GFOD2: variants seen among roughly 807,000 people sequenced by gnomAD.
GFOD2 encodes the protein Gfo/Idh/MocA-like oxidoreductase domain containing 2.
Under a neutral mutation model 24.6 loss-of-function variants are expected in GFOD2, and 9 were observed. The observed-to-expected ratio is 0.37, with a 90% CI of 0.22 to 0.64. The LOEUF (loss-of-function observed/expected upper bound fraction) is 0.64. Ranked by LOEUF, GFOD2 falls within the 30% of genes least tolerant of loss-of-function variation. GFOD2 has a pLI of 0.65. For missense variants in GFOD2, 476 were observed against 532.5 expected, an observed-to-expected ratio of 0.89 and a Z score of 1.04; for synonymous variants, 211 against 224.8, an observed-to-expected ratio of 0.94 and a Z score of 0.55.
intron 2 of GFOD2, chr16:67,683,375 C>A: frequency 8.1e-7 from 1 of 1,227,670 alleles, no homozygotes. Flanking sequence ...CCGGACACAC[C>A]TCACCTTTCC....
intron 1 of GFOD2, among the ~76,000 whole-genome samples, chr16:67,710,899 T>C (rs1353887808): frequency 6.6e-6 from 1 of 152,020 alleles, no homozygotes; most frequent in East Asian, 1.9e-4. Flanking sequence ...GAGGTACCTA[T>C]ACCTGCCGCC....
At chr16:67,707,839 C>T (rs566611201) in intron 1 of GFOD2, among the ~76,000 whole-genome samples, 3 of 152,282 alleles carry the variant, frequency 2.0e-5, no homozygotes, top group Admixed American at 2.0e-4. Context: ...TGAACCACCT[C>T]GCCTAGCCTG....
chr16:67,704,614 A>G (rs543046504), intron 1 of GFOD2, among the ~76,000 whole-genome samples: 185 of 152,360 alleles, frequency 1.2e-3, no homozygotes, highest in Non-Finnish European at 2.1e-3. Context: ...CCTCAAGGTT[A>G]CTAATAATCC....
intron 1 of GFOD2, among the ~76,000 whole-genome samples, chr16:67,707,688 A>C (rs1220653986): frequency 6.6e-6 from 1 of 152,174 alleles, no homozygotes; most frequent in Non-Finnish European, 1.5e-5. Flanking sequence ...GGAATTAACT[A>C]TTAATGAATT....
At chr16:67,694,383 G>A (rs957318410) in intron 1 of GFOD2, among the ~76,000 whole-genome samples, 4 of 152,072 alleles carry the variant, frequency 2.6e-5, no homozygotes, top group Admixed American at 2.6e-4. Flanking sequence ...GGCCTCAAGC[G>A]ATTCTCTCAG....
chr16:67,709,231 C>T (rs2053457343), intron 1 of GFOD2, among the ~76,000 whole-genome samples: 1 of 151,720 alleles, frequency 6.6e-6, no homozygotes, highest in African/African-American at 2.4e-5. Context: ...TCTCTTGAGC[C>T]CAGTAGGTCA....
At chr16:67,712,586 G>A (rs1208550341) in intron 1 of GFOD2, among the ~76,000 whole-genome samples, 3 of 74,494 alleles carry the variant, frequency 4.0e-5, no homozygotes, top group African/African-American at 1.5e-4. Flanking sequence ...CGTTCACTCA[G>A]TGCTCAATGG....
intron 2 of GFOD2, chr16:67,680,587 T>C: frequency 3.6e-6 from 1 of 278,006 alleles, no homozygotes; most frequent in Non-Finnish European, 5.4e-6. Flanking sequence ...CCCCCACCTC[T>C]GCCACCTTGA....
intron 2 of GFOD2, among the ~76,000 whole-genome samples, chr16:67,679,042 C>T (rs2053204317): frequency 1.3e-5 from 2 of 152,222 alleles, no homozygotes; most frequent in South Asian, 4.1e-4. Flanking sequence ...TGGCGTGTAC[C>T]TGTAGCCCCA....
intron 1 of GFOD2, among the ~76,000 whole-genome samples, chr16:67,713,100 T>C (rs974883108): frequency 2.7e-5 from 4 of 150,192 alleles, no homozygotes; most frequent in Non-Finnish European, 4.4e-5. Flanking sequence ...GTCAGGCTGG[T>C]CTTGAACTCC....
At chr16:67,681,098 A>G in intron 2 of GFOD2, 1 of 985,468 alleles carries the variant, frequency 1.0e-6, no homozygotes, top group Non-Finnish European at 1.2e-6. Flanking sequence ...AGACAATCAC[A>G]GTTCTGGGGG....
chr16:67,704,585 T>C (rs2053427010), intron 1 of GFOD2, among the ~76,000 whole-genome samples: 1 of 152,194 alleles, frequency 6.6e-6, no homozygotes, highest in African/African-American at 2.4e-5. Flanking sequence ...AAATAAATGA[T>C]ATTTATATTT....
intron 1 of GFOD2, among the ~76,000 whole-genome samples, chr16:67,698,524 G>C (rs1031692581): frequency 3.3e-5 from 5 of 152,054 alleles, no homozygotes; most frequent in Non-Finnish European, 5.9e-5. Context: ...CTGTCACCCA[G>C]GCTGGAGTGC....
intron 1 of GFOD2, among the ~76,000 whole-genome samples, chr16:67,704,455 G>A (rs980986449): frequency 5.9e-5 from 9 of 152,162 alleles, no homozygotes; most frequent in South Asian, 2.1e-4. Context: ...GGCTGCCATC[G>A]TTTTTTGGAT....
At chr16:67,683,554 T>TC (rs1395911466) in intron 2 of GFOD2, 1 of 1,231,562 alleles carries the variant, frequency 8.1e-7, no homozygotes, top group African/African-American at 1.6e-5. Context: ...AATGAATAAC[T>TC]CCAATGTCAC....
intron 2 of GFOD2, chr16:67,683,130 T>C (rs552630313): frequency 1.1e-6 from 1 of 872,426 alleles, no homozygotes; most frequent in African/African-American, 1.8e-5. Flanking sequence ...CTGGCTAATT[T>C]TTAAACTTTT....
chr16:67,703,155 G>C (rs1409646076), intron 1 of GFOD2, among the ~76,000 whole-genome samples: 1 of 152,128 alleles, frequency 6.6e-6, no homozygotes, highest in Admixed American at 6.5e-5. Flanking sequence ...TGTAATCCTA[G>C]CACTTTGGGA....
Position 67,685,479 on chromosome 16 carries a change from C to T in GFOD2, c.237G>A (p.Arg79=). 1.9e-6 allele frequency: 3 copies of T among 1,614,178 alleles called. No homozygotes were observed. Among genetic ancestry groups the T allele is most frequent in the South Asian group, 1.1e-5 (1 of 91,086 alleles). Residue 79 remains arginine, a synonymous_variant, in exon 2 of 3, where the codon CGG becomes CGA. Transcript: ENST00000268797. ...TACCTAGAGCCTTCACGGATATCTG[C>T]CGGGTGAGTGGAGGGGGGATGCTGA... ...VCISIPPPLT[R]QISVKALGIG... is the part of the protein sequence containing the mutation.
chr16:67,705,419 G>T (rs1202004156), intron 1 of GFOD2, among the ~76,000 whole-genome samples: 2 of 152,056 alleles, frequency 1.3e-5, no homozygotes, highest in Admixed American at 1.3e-4. Flanking sequence ...AGTTGGCCAC[G>T]CTGGTCTTGA....
Sources: gnomAD v4.1 joint callset for allele counts (sites outside exome capture counted in the v4.1 genomes callset) on GRCh38, gnomAD v4.1.1 for gene constraint, MANE v1.5 for transcripts, NCBI Gene and HGNC (gene_info 2026-07-23, HGNC 2026-07-21) for gene names.